The following GRM8 variants were observed in gnomAD, a reference collection of about 807,000 sequenced individuals.
The protein encoded by GRM8 is glutamate metabotropic receptor 8, also known as metabotropic glutamate receptor 8.
A neutral mutation model predicts 87.2 loss-of-function variants in GRM8; 47 were observed. That is an observed-to-expected ratio of 0.54 (90% CI 0.43 to 0.69). The LOEUF (loss-of-function observed/expected upper bound fraction) is 0.69, where lower values mean the gene tolerates loss of function less well. Among genes scored for constraint, GRM8 ranks in the 30% least tolerant of loss-of-function variants. The pLI is 0.00. For missense variants in GRM8, 1,019 were observed against 1,139.2 expected, an observed-to-expected ratio of 0.89 and a Z score of 1.52; for synonymous variants, 396 against 404.5, an observed-to-expected ratio of 0.98 and a Z score of 0.25.
chr7:127,018,167 A>G (rs1815878246), intron 3 of GRM8, among the ~76,000 whole-genome samples: 1 of 152,010 alleles, frequency 6.6e-6, no homozygotes, highest in Admixed American at 6.6e-5. Flanking sequence ...AAAAAGAAAA[A>G]AATCAAAAAC....
At chr7:126,902,485 T>C (rs1586387349) in intron 6 of GRM8, 57 bp downstream of exon 6, 4 of 1,367,640 alleles carry the variant, frequency 2.9e-6, no homozygotes, top group Non-Finnish European at 4.0e-6. Context: ...ATTTATCAAG[T>C]AATGAAAACA....
chr7:127,202,496 G>T (rs1795670647), intron 2 of GRM8, among the ~76,000 whole-genome samples: 1 of 152,154 alleles, frequency 6.6e-6, no homozygotes, highest in African/African-American at 2.4e-5. Flanking sequence ...GATTCTTAAT[G>T]CATTCTACGT....
intron 8 of GRM8, among the ~76,000 whole-genome samples, chr7:126,535,251 T>C (rs1815510546): frequency 6.6e-6 from 1 of 152,086 alleles, no homozygotes; most frequent in African/African-American, 2.4e-5. Context: ...ATTCCAGAAA[T>C]GATGATACGT....
At chr7:126,571,011 T>C (rs2150985360) in intron 8 of GRM8, among the ~76,000 whole-genome samples, 1 of 152,324 alleles carries the variant, frequency 6.6e-6, no homozygotes, top group East Asian at 1.9e-4. Flanking sequence ...TCTTCATAAA[T>C]GAGGCAACAT....
chr7:126,895,564 G>T (rs967490376), intron 6 of GRM8, among the ~76,000 whole-genome samples: 36 of 152,166 alleles, frequency 2.4e-4, no homozygotes, highest in African/African-American at 6.5e-4. Flanking sequence ...CTTTAAAATA[G>T]ATATTTTTCT....
At chr7:126,780,820 A>G (rs1322738174) in intron 6 of GRM8, among the ~76,000 whole-genome samples, 6 of 152,202 alleles carry the variant, frequency 3.9e-5, no homozygotes, top group Non-Finnish European at 8.8e-5. Flanking sequence ...ATCAAAAGGT[A>G]ACATAACCAG....
intron 2 of GRM8, chr7:127,118,302 A>G (rs568387061): frequency 6.6e-6 from 1 of 152,348 alleles, no homozygotes; most frequent in East Asian, 1.9e-4. Context: ...AAAGTTGATA[A>G]AAGGATGTAA....
At chr7:126,719,583 T>C (rs933979161) in intron 7 of GRM8, among the ~76,000 whole-genome samples, 23 of 152,090 alleles carry the variant, frequency 1.5e-4, no homozygotes, top group Admixed American at 1.4e-3. Context: ...GTGTGAAAAA[T>C]AACAATGAAG....
intron 6 of GRM8, among the ~76,000 whole-genome samples, chr7:126,867,895 T>C (rs745776503): frequency 1.3e-5 from 2 of 152,174 alleles, no homozygotes; most frequent in African/African-American, 2.4e-5. Flanking sequence ...ATAAAGTACC[T>C]CAATATTAGT....
intron 6 of GRM8, among the ~76,000 whole-genome samples, chr7:126,814,945 A>T (rs1279357064): frequency 6.6e-6 from 1 of 152,012 alleles, no homozygotes; most frequent in African/African-American, 2.4e-5. Context: ...TAAACAAATC[A>T]ACCTAAGACT....
At chr7:126,594,591 T>G (rs1486458362) in intron 8 of GRM8, among the ~76,000 whole-genome samples, 2 of 152,066 alleles carry the variant, frequency 1.3e-5, no homozygotes, top group Non-Finnish European at 1.5e-5. Context: ...GATGGCAGAA[T>G]TTGTGAGATA....
chr7:127,049,513 C>A (rs1273245534), intron 3 of GRM8, among the ~76,000 whole-genome samples: 2 of 152,094 alleles, frequency 1.3e-5, no homozygotes, highest in East Asian at 3.9e-4. Context: ...TTATATCAAC[C>A]AGCCACAAAT....
intron 8 of GRM8, among the ~76,000 whole-genome samples, chr7:126,552,801 C>A (rs1468961438): frequency 1.3e-5 from 2 of 152,078 alleles, no homozygotes; most frequent in East Asian, 3.8e-4. Context: ...AATCATTCTA[C>A]ATAACTTGAA....
At chr7:126,819,543 T>G (rs902411657) in intron 6 of GRM8, among the ~76,000 whole-genome samples, 1 of 152,156 alleles carries the variant, frequency 6.6e-6, no homozygotes, top group Non-Finnish European at 1.5e-5. Flanking sequence ...CGAAACTAAT[T>G]CTAACAAATC....
chr7:126,446,605 C>T (rs550658922), intron 9 of GRM8, among the ~76,000 whole-genome samples: 1 of 151,912 alleles, frequency 6.6e-6, no homozygotes, highest in African/African-American at 2.4e-5. Flanking sequence ...AAAATACAAA[C>T]AACCAAGCTG....
At chr7:126,502,708 C>G (rs1809824974) in intron 9 of GRM8, among the ~76,000 whole-genome samples, 1 of 151,920 alleles carries the variant, frequency 6.6e-6, no homozygotes, top group South Asian at 2.1e-4. Flanking sequence ...TTAATTCCAC[C>G]TTAATGGTTA....
intron 6 of GRM8, among the ~76,000 whole-genome samples, chr7:126,852,548 G>A (rs1257420208): frequency 2.0e-5 from 3 of 152,210 alleles, no homozygotes; most frequent in African/African-American, 7.2e-5. Flanking sequence ...AGAAAGAGCT[G>A]ACAGTAAATA....
intron 3 of GRM8, among the ~76,000 whole-genome samples, chr7:127,030,285 G>C (rs1817230767): frequency 7.9e-6 from 1 of 127,264 alleles, no homozygotes; most frequent in Non-Finnish European, 1.7e-5. Flanking sequence ...CTCTGAAAAA[G>C]CACTCCCCAG....
At chr7:127,190,538 G>A (rs994754381) in intron 2 of GRM8, among the ~76,000 whole-genome samples, 5 of 150,198 alleles carry the variant, frequency 3.3e-5, no homozygotes, top group Non-Finnish European at 7.4e-5. Context: ...AGCGAGACTC[G>A]GTCTTAAAAA....
Sources: gnomAD v4.1 joint callset for allele counts (sites outside exome capture counted in the v4.1 genomes callset) on GRCh38, gnomAD v4.1.1 for gene constraint, MANE v1.5 for transcripts, NCBI Gene and HGNC (gene_info 2026-07-23, HGNC 2026-07-21) for gene names.